The following BST1 variants were observed in gnomAD, a reference collection of about 807,000 sequenced individuals.
BST1 encodes the protein ADP-ribosyl cyclase/cyclic ADP-ribose hydrolase 2.
Under a neutral mutation model 40.6 loss-of-function variants are expected in BST1, and 49 were observed. The ratio of observed to expected loss-of-function variants is 1.21; its 90% confidence interval spans 0.96 to 1.53. BST1 has a LOEUF of 1.53. Among genes scored for constraint, BST1 ranks in the 40% most tolerant of loss-of-function variants. BST1 has a pLI of 0.00. For missense variants in BST1, 423 were observed against 395.9 expected (o/e 1.07, Z -0.58); for synonymous variants, 157 against 159.3 (o/e 0.99, Z 0.11).
At chr4:15,727,550 A>T (rs73123625) in intron 8 of BST1, among the ~76,000 whole-genome samples, 13,262 of 152,256 alleles carry the variant, frequency 0.087, 1,221 homozygotes, top group East Asian at 0.52. Context: ...AATAATGGAA[A>T]ACAAATTCAA....
At chr4:15,740,191 C>T (rs925808823), downstream of BST1, among the ~76,000 whole-genome samples, 1 of 152,118 alleles carries the variant, frequency 6.6e-6, no homozygotes, top group East Asian at 1.9e-4. Flanking sequence ...GCAGCTGGGA[C>T]TACAGGCACA....
downstream of BST1, among the ~76,000 whole-genome samples, chr4:15,736,591 T>C (rs1187282630): frequency 1.3e-5 from 2 of 150,908 alleles, no homozygotes; most frequent in African/African-American, 4.9e-5. Flanking sequence ...GCCTGGGTGA[T>C]AGAGTGAGAC....
At position 15,708,718 on chromosome 4, in the gene BST1, A is replaced by G. The variant is rs566264997; in HGVS notation, c.451+1072A>G. On this transcript the variant is annotated intron_variant, in intron 3 of 8. Transcript: ENST00000265016. Reference sequence around the variant, plus strand: ...ACATGAAGAAATCCAAACTCTACTAAAAATACAAAAAAATTAGCCAGGTAT... The same window carrying G: ...ACATGAAGAAATCCAAACTCTACTAGAAATACAAAAAAATTAGCCAGGTAT... Among the ~76,000 whole-genome samples the G allele has an allele frequency of 2.0e-3, 299 of 152,188 alleles. 1 individual carries two copies. Among genetic ancestry groups the G allele is most frequent in the African/African-American group, 7.0e-3 (291 of 41,504 alleles).
downstream of BST1, chr4:15,743,278 A>G (rs1186266253): frequency 3.8e-6 from 1 of 261,572 alleles, no homozygotes; most frequent in Non-Finnish European, 7.7e-6. Context: ...CAGAAGGTGA[A>G]GCTTACAGAC....
the BST1 span, among the ~76,000 whole-genome samples, chr4:15,771,944 G>A: frequency 1.3e-5 from 2 of 152,108 alleles, no homozygotes; most frequent in African/African-American, 4.8e-5. Context: ...ACATTAGTAT[G>A]TGAGGAAAGC....
At chr4:15,708,152 G>T (rs1577568870) in intron 3 of BST1, among the ~76,000 whole-genome samples, 1 of 152,116 alleles carries the variant, frequency 6.6e-6, no homozygotes, top group Non-Finnish European at 1.5e-5. Flanking sequence ...GCTTAGGGAG[G>T]TTAAATGACT....
the BST1 span, among the ~76,000 whole-genome samples, chr4:15,763,560 C>T: frequency 0.18 from 27,459 of 151,720 alleles, 2,764 homozygotes; most frequent in Middle Eastern, 0.28. Flanking sequence ...CTGAAATATA[C>T]ATTTGAACTT....
chr4:15,760,329 A>G, the BST1 span, among the ~76,000 whole-genome samples: 1 of 151,814 alleles, frequency 6.6e-6, no homozygotes, highest in Non-Finnish European at 1.5e-5. Context: ...CCATTCATCA[A>G]TTAAGGATAT....
chr4:15,703,777 GAT>G (rs1234136308), intron 1 of BST1, among the ~76,000 whole-genome samples: 3 of 141,224 alleles, frequency 2.1e-5, no homozygotes, highest in African/African-American at 5.2e-5. Context: ...CTAAAGGTGA[GAT>G]GTGTGTGTGT....
the BST1 span, among the ~76,000 whole-genome samples, chr4:15,746,479 C>A: frequency 6.6e-6 from 1 of 152,170 alleles, no homozygotes; most frequent in Non-Finnish European, 1.5e-5. Context: ...TGGCAGAAGG[C>A]ATAGCAAAGT....
At chr4:15,717,794 G>T (rs973399725) in intron 6 of BST1, among the ~76,000 whole-genome samples, 2 of 152,216 alleles carry the variant, frequency 1.3e-5, no homozygotes, top group Admixed American at 1.3e-4. Context: ...CAACTGGCAG[G>T]TCAGCAAGAG....
At chr4:15,714,948 A>C (rs1408768003) in intron 4 of BST1, among the ~76,000 whole-genome samples, 1 of 152,244 alleles carries the variant, frequency 6.6e-6, no homozygotes, top group Non-Finnish European at 1.5e-5. Flanking sequence ...TGTGAGCATG[A>C]TATAAATCAT....
chr4:15,723,644 T>C (rs1720946801), intron 8 of BST1: 1 of 976,116 alleles, frequency 1.0e-6, no homozygotes. Flanking sequence ...TGCTGAAATA[T>C]AATCCTTGAT....
rs1720894818 is a variant in BST1, at chr4:15,722,945, G to A, written c.851+11G>A. The A allele has an allele frequency of 6.2e-7, 1 of 1,612,090 alleles. No individual in the cohort carries two copies. Among genetic ancestry groups the A allele is most frequent in the Non-Finnish European group, 8.5e-7 (1 of 1,178,410 alleles). Reference sequence around the variant, plus strand: ...CTGTGCCTTAAAGTCGTAAGTAAATGTCTTAACCCAAATCGTTCTTTCCAA... The same window carrying A: ...CTGTGCCTTAAAGTCGTAAGTAAATATCTTAACCCAAATCGTTCTTTCCAA... On this transcript the variant is annotated intron_variant, in intron 8 of 8. Coordinates refer to ENST00000265016, the MANE Select transcript of BST1 (RefSeq NM_004334.3).
chr4:15,706,097 C>T (rs1008012540), intron 2 of BST1, among the ~76,000 whole-genome samples: 1 of 152,142 alleles, frequency 6.6e-6, no homozygotes. Flanking sequence ...GGGGGAAATC[C>T]ACCCCCATAA....
rs556493880 is a variant in BST1 at position 15,731,609 on chromosome 4, G to A, written c.852-131G>A. 2.0e-5 allele frequency: 25 copies of A among 1,274,666 alleles called. No individual in the cohort carries two copies. In the African/African-American group the frequency reaches 2.8e-4, roughly 14 times the overall value. The allele number at this position is 1,274,666 out of a possible 1,614,324, so 79.0% of individuals were successfully genotyped here. A position where few individuals can be genotyped will look rare whatever the true frequency, so the allele number is the denominator to read the frequency against. On this transcript the variant is annotated intron_variant, in intron 8 of 8. Coordinates refer to ENST00000265016, the MANE Select transcript of BST1 (RefSeq NM_004334.3). ...CGCACCGCCTCCTACGGGGTGTCAC[G>A]GGAGACTTTGCTGCTCATGGCTTCT...
At chr4:15,750,217 G>A in the BST1 span, among the ~76,000 whole-genome samples, 2 of 152,052 alleles carry the variant, frequency 1.3e-5, no homozygotes, top group South Asian at 4.1e-4. Context: ...TAGAGATTTG[G>A]TTTCACTCTG....
At chr4:15,736,717 T>C (rs1484215356), downstream of BST1, among the ~76,000 whole-genome samples, 4 of 152,186 alleles carry the variant, frequency 2.6e-5, no homozygotes, top group East Asian at 7.7e-4. Flanking sequence ...GAACCTTCTC[T>C]CAGTTCCGTA....
At chr4:15,731,620 C>T in intron 8 of BST1, 120 bp from the exon 9 acceptor site, 1 of 1,350,560 alleles carries the variant, frequency 7.4e-7, no homozygotes, top group Non-Finnish European at 1.0e-6. Context: ...GGAGACTTTG[C>T]TGCTCATGGC....
Sources: allele counts gnomAD v4.1 joint callset (sites outside exome capture counted in the v4.1 genomes callset), GRCh38; gene constraint gnomAD v4.1.1; transcripts MANE v1.5; gene names NCBI Gene and HGNC (gene_info 2026-07-23, HGNC 2026-07-21).